Variants in PLEKHN1 observed in about 807,000 individuals in gnomAD.
PLEKHN1 encodes the protein pleckstrin homology domain containing N1.
In PLEKHN1, 68 loss-of-function variants were observed where a neutral mutation model predicts 72.8. The ratio of observed to expected loss-of-function variants is 0.93; its 90% CI spans 0.77 to 1.14. PLEKHN1 has a LOEUF of 1.14. Ranked by LOEUF, PLEKHN1 falls within the 50% of genes most tolerant of loss-of-function variation. PLEKHN1 has a pLI of 0.00. For missense variants in PLEKHN1, 1,015 were observed against 840.5 expected, an observed-to-expected ratio of 1.21 and a Z score of -2.57; for synonymous variants, 454 against 371.6, an observed-to-expected ratio of 1.22 and a Z score of -2.55.
At position 973,226 on chromosome 1, in the gene PLEKHN1, G is replaced by A; in HGVS notation, c.1193G>A (p.Arg398Lys). The change falls in exon 12 of 16, where the codon AGG (arginine) becomes AAG (lysine). Residue 398 changes from arginine (R) to lysine (K), a missense_variant. Coordinates refer to ENST00000379410, the MANE Select transcript of PLEKHN1 (RefSeq NM_032129.3). ...NSDRASIGRR[R>K]TELRRSGSSR... Reference sequence around the variant, plus strand: ...GACCGTGCCAGCATTGGCCGACGGAGGACCGAGCTGAGACGCAGTGGCAGC... The same window carrying A: ...GACCGTGCCAGCATTGGCCGACGGAAGACCGAGCTGAGACGCAGTGGCAGC... 2.6e-6 allele frequency: 4 copies of A among 1,541,598 alleles called. No individual in the cohort carries two copies. Among genetic ancestry groups the A allele is most frequent in the Non-Finnish European group, 3.5e-6 (4 of 1,140,050 alleles).
intron 14 of PLEKHN1, 124 bp downstream of exon 14, chr1:974,175 A>C (rs2340594): frequency 1.4e-6 from 2 of 1,480,110 alleles, no homozygotes; most frequent in Non-Finnish European, 1.9e-6. Context: ...GATGGAGGCC[A>C]GGGGGGCCAG....
intron 2 of PLEKHN1, among the ~76,000 whole-genome samples, chr1:967,660 GCTCGT>G: frequency 6.6e-6 from 1 of 152,220 alleles, no homozygotes; most frequent in African/African-American, 2.4e-5. Context: ...CAGGCAGGAA[GCTCGT>G]GCCATACCCT....
Position 973,608 on chromosome 1 carries a change from C to T in PLEKHN1, c.1402C>T (p.Arg468Cys), listed in dbSNP as rs373630012. ...CTACACACCACCCGCCACCTCCCAC[C>T]GCAGGGTCACAGATGTCCGGGGCCT... ...DPYTPPATSH[R>C]RVTDVRGLEE... Residue 468 changes from arginine (R) to cysteine (C), a missense_variant, in exon 13 of 16, where the codon CGC (arginine) becomes TGC (cysteine). By Grantham distance (180) the Arg-to-Cys change is radical (BLOSUM62 -3). Transcript: ENST00000379410. The T allele has an allele frequency of 7.3e-5, 118 of 1,613,038 alleles. 1 individual carries two copies. The highest frequency in any genetic ancestry group is 3.4e-4 in the South Asian group (31 of 91,074).
chr1:969,124 C>T (rs1643148391), intron 2 of PLEKHN1, among the ~76,000 whole-genome samples: 1 of 152,204 alleles, frequency 6.6e-6, no homozygotes. Flanking sequence ...TAAGCATTTA[C>T]CATACAATAC....
chr1:971,205 A>C lies in PLEKHN1; in HGVS notation c.705A>C (p.Ala235=). The change falls in exon 7 of 16, where the codon GCA becomes GCC. Residue 235 remains alanine, a synonymous_variant. Transcript: ENST00000379410. ...GGGTCAAGCTGCAGCACCTGCCCGC[A>C]CAGGTGGGTGGGAGGTGCGTGGGGC... ...ASRVKLQHLP[A]QEQWDRLLVL... The C allele has an allele frequency of 6.3e-7, 1 of 1,575,262 alleles. No homozygotes were observed. The highest frequency in any genetic ancestry group is 8.6e-7 in the Non-Finnish European group (1 of 1,160,824).
At chr1:973,056 C>T (rs768426798) in intron 11 of PLEKHN1, 46 bp downstream of exon 11, 21 of 1,566,478 alleles carry the variant, frequency 1.3e-5, no homozygotes, top group Middle Eastern at 3.4e-4. Context: ...AGAAGGCTGT[C>T]GGGTAGGTGT....
rs774905037 is a variant in PLEKHN1, at chr1:974,384, C to G, written c.1702+20C>G. On this transcript the variant is annotated intron_variant, in intron 15 of 15. Coordinates refer to ENST00000379410, the MANE Select transcript of PLEKHN1 (RefSeq NM_032129.3). ...TGACAGGTGAGTAAGGATCCTGCCT[C>G]CTGAGGTGAGTGCCTGTTGCCTCCC... The G allele has an allele frequency of 1.2e-6, 2 of 1,613,026 alleles. No homozygotes were observed. The highest frequency in any genetic ancestry group is 1.7e-6 in the Non-Finnish European group (2 of 1,179,998).
chr1:974,308 G>A lies in PLEKHN1; in HGVS notation c.1654-8G>A, dbSNP rs866039104. ...CCCGGCTCTCAGACTTGCGGTTTGG[G>A]GTTCCAGGTCTCCTCTGCCAGGGAA... On this transcript the variant is annotated splice_region_variant and splice_polypyrimidine_tract_variant and intron_variant, in intron 14 of 15. Transcript: ENST00000379410. 4 of 1,612,944 alleles carry A rather than the reference G, an allele frequency of 2.5e-6. No individual in the cohort carries two copies. The highest frequency in any genetic ancestry group is 1.7e-4 in the Middle Eastern group (1 of 6,060).
intron 2 of PLEKHN1, among the ~76,000 whole-genome samples, chr1:967,099 C>A (rs949164480): frequency 5.9e-5 from 9 of 152,232 alleles, no homozygotes; most frequent in Non-Finnish European, 1.0e-4. Context: ...GTGTCTCTGT[C>A]GCTGCAGTGG....
At position 972,335 on chromosome 1, in the gene PLEKHN1, T is replaced by C. The variant is rs1643380278; in HGVS notation, c.913T>C (p.Tyr305His). The C allele has an allele frequency of 6.2e-7, 1 of 1,612,378 alleles. No individual in the cohort carries two copies. The highest frequency in any genetic ancestry group is 8.5e-7 in the Non-Finnish European group (1 of 1,179,872). The change falls in exon 10 of 16, where the codon TAC becomes CAC. Residue 305 changes from tyrosine (Y) to histidine (H), a missense_variant. By Grantham distance (83) the Tyr-to-His change is moderately conservative. Transcript: ENST00000379410. Reference protein sequence around the residue: ...IRVVCASYEDYGHWLLCLRAV... With the variant: ...IRVVCASYEDHGHWLLCLRAV... ...CGTGGTGTGCGCCAGCTACGAGGAC[T>C]ACGGTCACTGGCTGCTGTGCCTTCG...
rs373099804 is a variant in PLEKHN1 at position 971,211 on chromosome 1, G to A, written c.708+3G>A. 4 of 1,572,954 alleles carry A rather than the reference G, an allele frequency of 2.5e-6. No homozygotes were observed. The highest frequency in any genetic ancestry group is 2.7e-5 in the African/African-American group (2 of 74,274). On this transcript the variant is annotated splice_donor_region_variant and intron_variant, in intron 7 of 15. Transcript: ENST00000379410. Reference sequence around the variant, plus strand: ...AGCTGCAGCACCTGCCCGCACAGGTGGGTGGGAGGTGCGTGGGGCTGTAGG... The same window carrying A: ...AGCTGCAGCACCTGCCCGCACAGGTAGGTGGGAGGTGCGTGGGGCTGTAGG...
In PLEKHN1 at chr1:966,810, G is replaced by A. The variant is rs753831208; in HGVS notation, c.183+7G>A. On this transcript the variant is annotated splice_region_variant and intron_variant, in intron 2 of 15. Coordinates refer to ENST00000379410, the MANE Select transcript of PLEKHN1 (RefSeq NM_032129.3). ...CCACTACATCCCGGGCACGGTGAGC[G>A]CGGCGTGCACGGTGGCTGTGGTCTG... 133 of 1,552,472 alleles carry A rather than the reference G, an allele frequency of 8.6e-5. 1 individual carries two copies. The highest frequency in any genetic ancestry group is 1.1e-4 in the African/African-American group (8 of 73,228).
At position 974,297 on chromosome 1, in the gene PLEKHN1, T is replaced by A. The variant is rs1307826887; in HGVS notation, c.1654-19T>A. The A allele has an allele frequency of 6.2e-7, 1 of 1,612,890 alleles. No homozygotes were observed. The highest frequency in any genetic ancestry group is 1.1e-5 in the South Asian group (1 of 91,078). On this transcript the variant is annotated intron_variant, in intron 14 of 15. Transcript: ENST00000379410. ...CTGGGGCTGTGCCCGGCTCTCAGAC[T>A]TGCGGTTTGGGGTTCCAGGTCTCCT...
intron 8 of PLEKHN1, 105 bp downstream of exon 8, chr1:971,509 G>C: frequency 8.9e-7 from 1 of 1,120,304 alleles, no homozygotes; most frequent in South Asian, 1.3e-5. Context: ...TGTTGAGACA[G>C]AGCGCAGGGC....
Position 970,972 on chromosome 1 carries a change from G to T in PLEKHN1, c.578G>T (p.Gly193Val), listed in dbSNP as rs1173704751. 1 of 1,606,206 alleles carries T rather than the reference G, an allele frequency of 6.2e-7. No homozygotes were observed. The highest frequency in any genetic ancestry group is 1.7e-5 in the Admixed American group (1 of 59,444). The part of the protein sequence containing the change: ...YHLEKQTALL[G>V]GPRRCHSAPP... ...CTGGAGAAGCAGACGGCCCTCCTCG[G>T]GGGGCCGCGGCGCTGCCACTCGGCA... is the stretch of plus-strand genomic sequence containing the variant. The change falls in exon 6 of 16, where the codon GGG becomes GTG. Residue 193 changes from glycine (G) to valine (V), a missense_variant. Coordinates refer to ENST00000379410, the MANE Select transcript of PLEKHN1 (RefSeq NM_032129.3). The surrounding 1 kb of genome is among the most constrained non-coding windows in gnomAD (Gnocchi z 4.2).
intron 14 of PLEKHN1, 55 bp from the exon 15 acceptor site, chr1:974,261 A>G: frequency 6.2e-7 from 1 of 1,612,036 alleles, no homozygotes; most frequent in Middle Eastern, 1.7e-4. Flanking sequence ...GGCCGCCTCC[A>G]AGCTCCCTGC....
chr1:966,620 C>A lies in PLEKHN1; in HGVS notation c.83+6C>A. 6.2e-7 allele frequency: 1 copy of A among 1,607,458 alleles called. No individual in the cohort carries two copies. Among genetic ancestry groups the A allele is most frequent in the Non-Finnish European group, 8.5e-7 (1 of 1,176,628 alleles). ...CCCTCGCTGAAGGGAAACAGGTGAG[C>A]GGGGCGTGGGTGCGGCCACCTGGGC... is the stretch of plus-strand genomic sequence containing the variant. On this transcript the variant is annotated splice_donor_region_variant and intron_variant, in intron 1 of 15. Transcript: ENST00000379410.
At chr1:968,757 G>A in intron 2 of PLEKHN1, among the ~76,000 whole-genome samples, 1 of 152,208 alleles carries the variant, frequency 6.6e-6, no homozygotes, top group Admixed American at 6.5e-5. Context: ...TAATGTCTGA[G>A]CAAAGCTGCA....
intron 2 of PLEKHN1, among the ~76,000 whole-genome samples, chr1:968,099 G>A (rs1643105343): frequency 6.6e-6 from 1 of 152,250 alleles, no homozygotes; most frequent in African/African-American, 2.4e-5. Flanking sequence ...TGCAGGGCCA[G>A]CTGTGTGGCC....
Sources: gnomAD v4.1 joint callset for allele counts (sites outside exome capture counted in the v4.1 genomes callset) on GRCh38, gnomAD v4.1.1 for gene constraint, Gnocchi (gnomAD v3.1) non-coding constraint, MANE v1.5 for transcripts, NCBI Gene and HGNC (gene_info 2026-07-23, HGNC 2026-07-21) for gene names.